WIPF3: variants seen among roughly 807,000 people sequenced by gnomAD.
The protein encoded by WIPF3 is WAS/WASL-interacting protein family member 3.
WIPF3 carries 33 observed loss-of-function variants against 38.9 expected under a neutral mutation model. The ratio of observed to expected loss-of-function variants is 0.85; its 90% CI spans 0.64 to 1.14. WIPF3 has a LOEUF of 1.14. WIPF3 is among the 50% of genes most tolerant of loss of function. The pLI, the probability that WIPF3 is intolerant of heterozygous loss-of-function variation, is 0.00. For synonymous variants in WIPF3, 324 were observed against 269.3 expected, an observed-to-expected ratio of 1.20 and a Z score of -1.99; for missense variants, 711 against 652.5, an observed-to-expected ratio of 1.09 and a Z score of -0.98.
Position 29,874,982 on chromosome 7 carries a change from T to C in WIPF3, c.91-848T>C, listed in dbSNP as rs114405648. 1.5e-3 allele frequency among the ~76,000 whole-genome samples: 230 copies of C among 152,318 alleles called. 2 individuals carry two copies. Among genetic ancestry groups the C allele is most frequent in the African/African-American group, 5.2e-3 (216 of 41,568 alleles). ...CTGATCTGGGTTTGAACCCCAGCCC[T>C]GTAGCCTCAAACAGACGATTTCTTA... is the stretch of plus-strand genomic sequence containing the variant. On this transcript the variant is annotated intron_variant, in intron 2 of 8. Transcript: ENST00000242140.
chr7:29,872,041 G>A (rs147238467), intron 2 of WIPF3, among the ~76,000 whole-genome samples: 47 of 152,300 alleles, frequency 3.1e-4, no homozygotes, highest in African/African-American at 1.1e-3. Flanking sequence ...TGGAAGTAAT[G>A]TTTTGTTGGC....
chr7:29,906,965 A>G (rs1786409814), intron 8 of WIPF3, among the ~76,000 whole-genome samples: 1 of 152,232 alleles, frequency 6.6e-6, no homozygotes, highest in Middle Eastern at 3.2e-3. Context: ...ATATTCACAG[A>G]TAAACAAAAG....
At chr7:29,837,580 CTCTT>C (rs1188267867) in intron 2 of WIPF3, among the ~76,000 whole-genome samples, 10 of 152,152 alleles carry the variant, frequency 6.6e-5, no homozygotes, top group South Asian at 2.1e-4. Context: ...ATTTCTCTCT[CTCTT>C]TCTCTTTCTG....
intron 8 of WIPF3, chr7:29,904,641 C>T: frequency 2.6e-6 from 1 of 380,224 alleles, no homozygotes; most frequent in Non-Finnish European, 4.8e-6. Flanking sequence ...CCAATCACTT[C>T]CCATTCTTCC....
intron 2 of WIPF3, among the ~76,000 whole-genome samples, chr7:29,836,100 A>T (rs772897557): frequency 1.3e-5 from 2 of 152,254 alleles, no homozygotes; most frequent in Non-Finnish European, 2.9e-5. Flanking sequence ...AAGAAAGCAC[A>T]TAGTATAAAT....
chr7:29,849,798 G>A (rs531243484), intron 2 of WIPF3, among the ~76,000 whole-genome samples: 1 of 152,320 alleles, frequency 6.6e-6, no homozygotes, highest in African/African-American at 2.4e-5. Context: ...GACAATCAAA[G>A]GGAAAAGAGG....
rs1350096370 is a variant in WIPF3, at chr7:29,884,505, G to A, written c.1011G>A (p.Pro337=). Reference sequence around the variant, plus strand: ...AATCCCCCAGCTTCCAGGCCCCACCGCAGAAGGCCGGTGCGCAGGCCTTGC... The same window carrying A: ...AATCCCCCAGCTTCCAGGCCCCACCACAGAAGGCCGGTGCGCAGGCCTTGC... ...PPKSPSFQAP[P]QKAGAQALPA... is the part of the protein sequence containing the mutation. Residue 337 remains proline, a synonymous_variant, in exon 5 of 9, where the codon CCG becomes CCA. Transcript: ENST00000242140. 6.5e-6 allele frequency: 10 copies of A among 1,549,776 alleles called. No homozygotes were observed.
chr7:29,912,210 T>G (rs1786517264), intron 8 of WIPF3, among the ~76,000 whole-genome samples: 1 of 151,984 alleles, frequency 6.6e-6, no homozygotes, highest in African/African-American at 2.4e-5. Flanking sequence ...GAAATAAAAA[T>G]CAAAATTACA....
chr7:29,852,401 A>T (rs1437568777), intron 2 of WIPF3, among the ~76,000 whole-genome samples: 2 of 152,258 alleles, frequency 1.3e-5, no homozygotes, highest in East Asian at 3.8e-4. Context: ...CAGCTTCCTA[A>T]GGAGGATAGA....
chr7:29,807,947 T>A (rs1293446925), intron 1 of WIPF3, among the ~76,000 whole-genome samples: 1 of 152,208 alleles, frequency 6.6e-6, no homozygotes, highest in Non-Finnish European at 1.5e-5. Flanking sequence ...CTGGGACTCC[T>A]GCCTCCCTTC....
At chr7:29,899,778 C>CA (rs11407864) in intron 7 of WIPF3, among the ~76,000 whole-genome samples, 27,393 of 151,444 alleles carry the variant, frequency 0.18, 2,541 homozygotes, top group Middle Eastern at 0.27. Flanking sequence ...AAAACAATAC[C>CA]AAAAAATGTA....
rs80201962 is a variant in WIPF3, at chr7:29,885,489, G to A, written c.1099+896G>A. Among the ~76,000 whole-genome samples, 676 of 152,206 alleles carry A rather than the reference G, an allele frequency of 4.4e-3. 5 individuals are homozygous for A. The highest frequency in any genetic ancestry group is 0.016 in the African/African-American group (660 of 41,536). On this transcript the variant is annotated intron_variant, in intron 5 of 8. Coordinates refer to ENST00000242140, the MANE Select transcript of WIPF3 (RefSeq NM_001080529.3). Reference sequence around the variant, plus strand: ...AGTATTTTCTTGACTTAAAAATAACGCAAGCTTGTTGCAGAGCTAATAGAC... The same window carrying A: ...AGTATTTTCTTGACTTAAAAATAACACAAGCTTGTTGCAGAGCTAATAGAC...
At chr7:29,833,609 A>G (rs1489184266) in intron 1 of WIPF3, among the ~76,000 whole-genome samples, 1 of 152,248 alleles carries the variant, frequency 6.6e-6, no homozygotes, top group East Asian at 1.9e-4. Flanking sequence ...CACATTGCAT[A>G]AATGCTTTTG....
intron 2 of WIPF3, among the ~76,000 whole-genome samples, chr7:29,854,691 G>T (rs1045317631): frequency 6.6e-6 from 1 of 152,164 alleles, no homozygotes; most frequent in Admixed American, 6.5e-5. Context: ...TGTTGGCTCC[G>T]CAGCCTGTGA....
At chr7:29,816,429 C>T (rs1045892535) in intron 1 of WIPF3, among the ~76,000 whole-genome samples, 4 of 152,122 alleles carry the variant, frequency 2.6e-5, no homozygotes, top group Admixed American at 6.5e-5. Context: ...CTCCTGAGCT[C>T]AAGCCTCAGC....
chr7:29,850,029 T>C (rs116013604), intron 2 of WIPF3, among the ~76,000 whole-genome samples: 1,904 of 152,318 alleles, frequency 0.013, 43 homozygotes, highest in African/African-American at 0.044. Context: ...AAAAGAATAA[T>C]TGGAAATTTA....
At chr7:29,886,360 T>C (rs1785880889) in intron 5 of WIPF3, among the ~76,000 whole-genome samples, 1 of 139,880 alleles carries the variant, frequency 7.1e-6, no homozygotes. Flanking sequence ...TTTTTTTTTT[T>C]TTTTTTTTTT....
chr7:29,879,743 C>G lies in WIPF3; in HGVS notation c.355+603C>G, dbSNP rs191842277. ...ACCTCTGGAGCCTCAGCTATAACCA[C>G]TGGCCTGACTCACCTCTATCACGTG... On this transcript the variant is annotated intron_variant, in intron 4 of 8. Coordinates refer to ENST00000242140, the MANE Select transcript of WIPF3 (RefSeq NM_001080529.3). Among the ~76,000 whole-genome samples the G allele has an allele frequency of 9.7e-4, 148 of 152,336 alleles. 1 individual carries two copies. Among genetic ancestry groups the G allele is most frequent in the Non-Finnish European group, 1.5e-3 (102 of 68,036 alleles).
intron 7 of WIPF3, among the ~76,000 whole-genome samples, chr7:29,896,412 C>T (rs561068263): frequency 1.3e-5 from 2 of 152,142 alleles, no homozygotes; most frequent in East Asian, 1.9e-4. Flanking sequence ...CTCAAGAGCT[C>T]GAGACGAGCC....
Sources: allele counts gnomAD v4.1 joint callset (sites outside exome capture counted in the v4.1 genomes callset), GRCh38; gene constraint gnomAD v4.1.1; transcripts MANE v1.5; gene names NCBI Gene and HGNC (gene_info 2026-07-23, HGNC 2026-07-21).